PAX5: variants seen among roughly 807,000 people sequenced by gnomAD.
PAX5 encodes the protein paired box protein Pax-5.
In PAX5, 9 loss-of-function variants were observed where a neutral mutation model predicts 43.7. The observed-to-expected ratio is 0.21, with a 90% CI of 0.12 to 0.36. The LOEUF is 0.36. Ranked by LOEUF, PAX5 falls within the 10% of genes least tolerant of loss-of-function variation. The pLI, the probability that PAX5 is intolerant of heterozygous loss-of-function variation, is 1.00. For missense variants in PAX5, 383 were observed against 532.7 expected (o/e 0.72, Z 2.77); for synonymous variants, 228 against 214.3 (o/e 1.06, Z -0.56).
In PAX5 at chr9:36,836,059, C is replaced by T. The variant is rs961761397; in HGVS notation, c.*4501G>A. ...GTCATGAGGAGGGGGTGGCTGGAGC[C>T]ACTGGCTGCCAAGGCTGGGCAGTCG... On this transcript the variant is annotated 3_prime_UTR_variant, in exon 10 of 10. Coordinates refer to ENST00000358127, the MANE Select transcript of PAX5 (RefSeq NM_016734.3). 3.4e-5 allele frequency: 8 copies of T among 233,476 alleles called. No homozygotes were observed. Among genetic ancestry groups the T allele is most frequent in the African/African-American group, 1.3e-4 (6 of 45,348 alleles). 14.5% of individuals were successfully genotyped at this position (233,476 alleles called of 1,614,324 possible).
rs111388207 is a variant in PAX5 at position 36,854,482 on chromosome 9, A to G, written c.1013-7553T>C. Among the ~76,000 whole-genome samples, 1,177 of 152,326 alleles carry G rather than the reference A, an allele frequency of 7.7e-3. 9 individuals are homozygous for G. The highest frequency in any genetic ancestry group is 0.027 in the African/African-American group (1,105 of 41,566). ...CTGGAGCTGTGTCAAAGCCTCTTAG[A>G]GTGACCTTGGACAAGTCATTTCTCA... is the stretch of plus-strand genomic sequence containing the variant. On this transcript the variant is annotated intron_variant, in intron 8 of 9. Transcript: ENST00000358127.
intron 3 of PAX5, among the ~76,000 whole-genome samples, chr9:37,014,613 C>G (rs1318123451): frequency 6.6e-5 from 10 of 152,176 alleles, no homozygotes; most frequent in Non-Finnish European, 1.5e-5. Flanking sequence ...TTGAGATGGG[C>G]CAGTGCTAAG....
chr9:36,860,707 G>T (rs1000470676), intron 8 of PAX5, among the ~76,000 whole-genome samples: 1 of 152,176 alleles, frequency 6.6e-6, no homozygotes, highest in South Asian at 2.1e-4. Flanking sequence ...CTGAAATGGG[G>T]CCCCTAAGGA....
chr9:36,920,158 T>C (rs1453162258), intron 7 of PAX5, among the ~76,000 whole-genome samples: 1 of 152,232 alleles, frequency 6.6e-6, no homozygotes, highest in Admixed American at 6.5e-5. Flanking sequence ...CTGGTGAAGA[T>C]ACTGTGAACA....
intron 6 of PAX5, among the ~76,000 whole-genome samples, chr9:36,953,879 C>T (rs1171824626): frequency 6.6e-6 from 1 of 152,108 alleles, no homozygotes; most frequent in Non-Finnish European, 1.5e-5. Flanking sequence ...TCAAGACCAG[C>T]CTGGGCAACA....
intron 8 of PAX5, among the ~76,000 whole-genome samples, chr9:36,847,932 A>G (rs938700214): frequency 3.3e-5 from 5 of 152,170 alleles, no homozygotes; most frequent in African/African-American, 1.2e-4. Context: ...CCCAAAGAGT[A>G]GGCTTCAGCC....
chr9:36,913,445 T>G (rs1829467728), intron 7 of PAX5, among the ~76,000 whole-genome samples: 1 of 152,148 alleles, frequency 6.6e-6, no homozygotes, highest in Non-Finnish European at 1.5e-5. Context: ...AGTAGAGAGG[T>G]GAGCAGAAGT....
At chr9:36,888,126 C>T (rs902840747) in intron 7 of PAX5, among the ~76,000 whole-genome samples, 46 of 152,208 alleles carry the variant, frequency 3.0e-4, no homozygotes, top group African/African-American at 1.1e-3. Flanking sequence ...CATATTGTCA[C>T]AATCATTGGC....
intron 5 of PAX5, among the ~76,000 whole-genome samples, chr9:36,977,309 G>A (rs976259124): frequency 1.6e-4 from 22 of 138,796 alleles, no homozygotes; most frequent in African/African-American, 5.5e-4. Context: ...TAAAGATTGG[G>A]GGGGTGGGGG....
chr9:36,919,881 T>C (rs1201989311), intron 7 of PAX5, among the ~76,000 whole-genome samples: 1 of 146,984 alleles, frequency 6.8e-6, no homozygotes, highest in East Asian at 2.0e-4. Flanking sequence ...TATACGTGAT[T>C]CATGGGAAAA....
intron 8 of PAX5, among the ~76,000 whole-genome samples, chr9:36,880,974 C>A (rs945562572): frequency 2.6e-5 from 4 of 152,146 alleles, no homozygotes. Flanking sequence ...AGCTGTGTTG[C>A]CCCCTGTAAA....
chr9:36,998,217 A>G (rs1285493921), intron 5 of PAX5, among the ~76,000 whole-genome samples: 1 of 152,166 alleles, frequency 6.6e-6, no homozygotes, highest in Non-Finnish European at 1.5e-5. Context: ...AGAACAGTTC[A>G]TCTGAGACTT....
intron 1 of PAX5, among the ~76,000 whole-genome samples, chr9:37,027,024 G>T (rs2132541309): frequency 6.6e-6 from 1 of 152,328 alleles, no homozygotes; most frequent in South Asian, 2.1e-4. Flanking sequence ...CCCGGGGGCT[G>T]CCAGGCTGGT....
At chr9:37,029,726 T>C (rs1001327592) in intron 1 of PAX5, among the ~76,000 whole-genome samples, 5 of 152,024 alleles carry the variant, frequency 3.3e-5, no homozygotes, top group African/African-American at 1.2e-4. Flanking sequence ...ATGCAGCCAG[T>C]GACACCCCCA....
intron 7 of PAX5, among the ~76,000 whole-genome samples, chr9:36,911,834 A>G (rs992685888): frequency 5.3e-5 from 8 of 152,232 alleles, no homozygotes; most frequent in African/African-American, 1.9e-4. Flanking sequence ...CCCCAAAGCC[A>G]CTCAGCCCAG....
chr9:36,849,871 T>C (rs943944096), intron 8 of PAX5, among the ~76,000 whole-genome samples: 2 of 152,194 alleles, frequency 1.3e-5, no homozygotes, highest in Non-Finnish European at 2.9e-5. Flanking sequence ...TAGAGGCTGG[T>C]TCAGCCACCT....
chr9:36,989,432 T>C (rs769066531), intron 5 of PAX5, among the ~76,000 whole-genome samples: 12 of 152,172 alleles, frequency 7.9e-5, no homozygotes, highest in Non-Finnish European at 1.8e-4. Context: ...AAAATGGGGA[T>C]AATAAGAGTA....
At chr9:36,990,719 C>G (rs568001480) in intron 5 of PAX5, among the ~76,000 whole-genome samples, 16 of 152,258 alleles carry the variant, frequency 1.1e-4, no homozygotes, top group Non-Finnish European at 1.6e-4. Flanking sequence ...CTTGAGCAAA[C>G]GCTTGCCATA....
chr9:37,026,655 C>T (rs562823022), intron 1 of PAX5: 2 of 1,349,118 alleles, frequency 1.5e-6, no homozygotes, highest in African/African-American at 2.9e-5. Flanking sequence ...TAGGGAGCCT[C>T]GCCACCAGGC....
Sources: gnomAD v4.1 joint callset for allele counts (sites outside exome capture counted in the v4.1 genomes callset) on GRCh38, gnomAD v4.1.1 for gene constraint, MANE v1.5 for transcripts, NCBI Gene and HGNC (gene_info 2026-07-23, HGNC 2026-07-21) for gene names.